Variants in RNF2 observed in about 807,000 individuals in gnomAD.
RNF2 encodes the protein E3 ubiquitin-protein ligase RING2.
RNF2 carries 6 observed loss-of-function variants against 37.2 expected under a neutral mutation model. The ratio of observed to expected loss-of-function variants is 0.16; its 90% confidence interval spans 0.09 to 0.32. RNF2 has a LOEUF of 0.32. RNF2 is among the 10% of genes least tolerant of loss of function. The pLI is 1.00. For missense variants in RNF2, 251 were observed against 404.0 expected, an observed-to-expected ratio of 0.62 and a Z score of 3.25; for synonymous variants, 133 against 132.7, an observed-to-expected ratio of 1.00 and a Z score of -0.02.
chr1:185,045,691 G>C (rs1393835734), intron 1 of RNF2, 42 bp downstream of exon 1: 1 of 152,590 alleles, frequency 6.6e-6, no homozygotes, highest in African/African-American at 2.4e-5. Flanking sequence ...CGGAAGCAGC[G>C]GGCCGGGACA....
At chr1:185,068,589 A>AT (rs1260569706) in intron 1 of RNF2, among the ~76,000 whole-genome samples, 1 of 152,190 alleles carries the variant, frequency 6.6e-6, no homozygotes, top group Non-Finnish European at 1.5e-5. Flanking sequence ...TAAGGAACAG[A>AT]TTCTCCCCTA....
intron 1 of RNF2, among the ~76,000 whole-genome samples, chr1:185,057,979 G>A (rs568449767): frequency 6.6e-6 from 1 of 152,104 alleles, no homozygotes; most frequent in Non-Finnish European, 1.5e-5. Context: ...ACAAAAATTA[G>A]CCGGGCTTGG....
At chr1:185,050,386 C>T (rs559015291) in intron 1 of RNF2, among the ~76,000 whole-genome samples, 10 of 152,222 alleles carry the variant, frequency 6.6e-5, no homozygotes. Flanking sequence ...TTTTTATCTT[C>T]TATCCTGATT....
intron 1 of RNF2, among the ~76,000 whole-genome samples, chr1:185,069,212 C>T (rs1041639120): frequency 6.6e-6 from 1 of 152,026 alleles, no homozygotes; most frequent in Non-Finnish European, 1.5e-5. Context: ...CAGCACTTTG[C>T]AAGGCCAAGG....
At position 185,100,182 on chromosome 1, in the gene RNF2, C is replaced by CT. The variant is rs60678736; in HGVS notation, c.910-15dup. The CT allele has an allele frequency of 0.072, 111,395 of 1,543,984 alleles. 5,727 individuals are homozygous for CT. The highest frequency in any genetic ancestry group is 0.26 in the East Asian group (11,692 of 44,220). ...GTTTGTGCAGTTTTCATAATTTTTT[C>CT]TTTCTTTTTTGTTTTAGGTATTAAA... is the stretch of plus-strand genomic sequence containing the variant. On this transcript the variant is annotated splice_polypyrimidine_tract_variant and intron_variant, in intron 6 of 6. Transcript: ENST00000367510.
intron 1 of RNF2, among the ~76,000 whole-genome samples, chr1:185,061,727 G>GTA (rs1366684344): frequency 6.6e-6 from 1 of 152,190 alleles, no homozygotes; most frequent in Non-Finnish European, 1.5e-5. Flanking sequence ...GCTGGCTGAA[G>GTA]TATTCAAGTT....
chr1:185,074,997 G>A (rs1651103269), intron 1 of RNF2, among the ~76,000 whole-genome samples: 1 of 151,808 alleles, frequency 6.6e-6, no homozygotes, highest in African/African-American at 2.4e-5. Context: ...GTGTGTGTGT[G>A]TTATTTATTT....
intron 1 of RNF2, among the ~76,000 whole-genome samples, chr1:185,072,613 A>G (rs889126017): frequency 6.6e-6 from 1 of 152,090 alleles, no homozygotes; most frequent in Admixed American, 6.6e-5. Context: ...TAAAATGAGA[A>G]TGATCTTTGC....
chr1:185,074,059 C>T (rs1368700092), intron 1 of RNF2, among the ~76,000 whole-genome samples: 40 of 152,148 alleles, frequency 2.6e-4, no homozygotes, highest in Admixed American at 2.6e-3. Flanking sequence ...GAATGGCTCA[C>T]AGAACTCAGA....
At chr1:185,046,881 T>C (rs1236776025) in intron 1 of RNF2, among the ~76,000 whole-genome samples, 8 of 152,230 alleles carry the variant, frequency 5.3e-5, no homozygotes, top group African/African-American at 1.9e-4. Context: ...TAAGTGCAGT[T>C]GTTGAATATT....
chr1:185,079,913 A>G (rs897171834), intron 1 of RNF2, among the ~76,000 whole-genome samples: 1 of 152,002 alleles, frequency 6.6e-6, no homozygotes, highest in Non-Finnish European at 1.5e-5. Flanking sequence ...CTGGGCAACA[A>G]GAGCGAGACT....
At chr1:185,082,467 C>T (rs1414837215) in intron 1 of RNF2, among the ~76,000 whole-genome samples, 2 of 151,568 alleles carry the variant, frequency 1.3e-5, no homozygotes, top group Admixed American at 6.6e-5. Flanking sequence ...CCTCCTGCCT[C>T]AGCCCCCCAG....
At chr1:185,067,507 T>A (rs1023049977) in intron 1 of RNF2, among the ~76,000 whole-genome samples, 2 of 152,116 alleles carry the variant, frequency 1.3e-5, no homozygotes, top group African/African-American at 2.4e-5. Context: ...ATGCTAAAGA[T>A]TGAGAGAGTT....
Position 185,101,549 on chromosome 1 carries a change from A to G in RNF2, c.*1248A>G, listed in dbSNP as rs1338664484. 1 of 152,538 alleles carries G rather than the reference A, an allele frequency of 6.6e-6. No individual in the cohort carries two copies. 9.4% of individuals were successfully genotyped at this position (152,538 alleles called of 1,614,324 possible). On this transcript the variant is annotated 3_prime_UTR_variant, in exon 7 of 7. Coordinates refer to ENST00000367510, the MANE Select transcript of RNF2 (RefSeq NM_007212.4). ...AAGATTGACTTGGGTGTTATATTTC[A>G]TCTCTCTCCAGACTCTAGGTATATT...
chr1:185,052,358 A>G (rs1319310343), intron 1 of RNF2, among the ~76,000 whole-genome samples: 2 of 152,270 alleles, frequency 1.3e-5, no homozygotes, highest in African/African-American at 2.4e-5. Flanking sequence ...ACAATGTGGT[A>G]TAAACTTACA....
At chr1:185,068,793 C>G (rs980267423) in intron 1 of RNF2, among the ~76,000 whole-genome samples, 6 of 152,326 alleles carry the variant, frequency 3.9e-5, no homozygotes, top group Admixed American at 1.3e-4. Context: ...ATGGACATTT[C>G]TAAGTAACTC....
intron 1 of RNF2, among the ~76,000 whole-genome samples, chr1:185,080,273 C>G (rs942799399): frequency 3.3e-5 from 5 of 152,110 alleles, no homozygotes; most frequent in Non-Finnish European, 5.9e-5. Flanking sequence ...TCATTGAGAT[C>G]TGAAAAACAG....
chr1:185,081,021 C>T (rs1651329981), intron 1 of RNF2, among the ~76,000 whole-genome samples: 1 of 152,058 alleles, frequency 6.6e-6, no homozygotes, highest in South Asian at 2.1e-4. Context: ...AGTTTTGGTT[C>T]TCTGAAAGAT....
chr1:185,064,566 T>A (rs1650743878), intron 1 of RNF2, among the ~76,000 whole-genome samples: 1 of 152,254 alleles, frequency 6.6e-6, no homozygotes, highest in Non-Finnish European at 1.5e-5. Context: ...TTGAAAACAC[T>A]TTAAGCTTAT....
Sources: allele counts gnomAD v4.1 joint callset (sites outside exome capture counted in the v4.1 genomes callset), GRCh38; gene constraint gnomAD v4.1.1; transcripts MANE v1.5; gene names NCBI Gene and HGNC (gene_info 2026-07-23, HGNC 2026-07-21).